The following KAT14 variants were observed in gnomAD, a reference collection of about 807,000 sequenced individuals.
The protein encoded by KAT14 is cysteine-rich protein 2-binding protein.
KAT14 carries 66 observed loss-of-function variants against 78.4 expected under a neutral mutation model. That is an observed-to-expected ratio of 0.84 (90% CI 0.69 to 1.03). KAT14 has a LOEUF of 1.03. Ranked by LOEUF, KAT14 falls within the 50% of genes least tolerant of loss-of-function variation. The pLI is 0.00. For synonymous variants in KAT14, 344 were observed against 359.4 expected (o/e 0.96, Z 0.48); for missense variants, 870 against 972.5 (o/e 0.89, Z 1.40).
intron 1 of KAT14, among the ~76,000 whole-genome samples, chr20:18,140,126 G>A (rs905241652): frequency 3.8e-4 from 58 of 152,122 alleles, no homozygotes; most frequent in African/African-American, 1.4e-3. Flanking sequence ...AGAAGGAAGG[G>A]TAGGATCTGG....
At chr20:18,184,878 C>T (rs1199778285) in intron 10 of KAT14, 86 bp downstream of exon 10, 8 of 1,361,544 alleles carry the variant, frequency 5.9e-6, no homozygotes, top group Admixed American at 2.7e-5. Context: ...GCTAGCCCTT[C>T]CCAGCATGGC....
chr20:18,145,689 G>C (rs770963398), intron 3 of KAT14, among the ~76,000 whole-genome samples: 2 of 151,984 alleles, frequency 1.3e-5, no homozygotes, highest in Non-Finnish European at 2.9e-5. Context: ...ACTGAGGCAG[G>C]AGAATCGCTT....
chr20:18,181,360 G>GTTTTT (rs1245685896), intron 7 of KAT14, among the ~76,000 whole-genome samples: 2 of 114,120 alleles, frequency 1.8e-5, no homozygotes, highest in Non-Finnish European at 1.9e-5. Flanking sequence ...GAGTAATTTT[G>GTTTTT]TTTCTTTTTT....
intron 7 of KAT14, among the ~76,000 whole-genome samples, chr20:18,168,194 C>A (rs975824630): frequency 4.6e-5 from 7 of 152,136 alleles, no homozygotes; most frequent in African/African-American, 1.4e-4. Context: ...TATCATCTTA[C>A]ATACAGTGTC....
intron 2 of KAT14, among the ~76,000 whole-genome samples, chr20:18,144,561 G>A (rs2037746383): frequency 6.6e-6 from 1 of 152,010 alleles, no homozygotes; most frequent in African/African-American, 2.4e-5. Context: ...ATATAGGTTG[G>A]GCCTCCTTTT....
intron 10 of KAT14, among the ~76,000 whole-genome samples, chr20:18,186,768 T>C (rs926701751): frequency 3.3e-5 from 5 of 152,210 alleles, no homozygotes; most frequent in African/African-American, 1.2e-4. Flanking sequence ...AGGTGGACTT[T>C]GGGATTCAGA....
chr20:18,162,875 C>T lies in KAT14; in HGVS notation c.1598C>T (p.Ser533Phe), dbSNP rs2146435774. Residue 533 changes from serine to phenylalanine, a missense_variant, in exon 7 of 11, where the codon TCC (serine) becomes TTC (phenylalanine). Ser to Phe is a radical substitution (Grantham distance 155, BLOSUM62 -2). Transcript: ENST00000688188. ...TATGGAGCCAAAGAAGGAGGAATTT[C>T]CAGACTTCCAGCTGGACAAGCCACG... ...GIYGAKEGGI[S>F]RLPAGQATYR... 6.2e-7 allele frequency: 1 copy of T among 1,614,176 alleles called. No homozygotes were observed. The highest frequency in any genetic ancestry group is 8.5e-7 in the Non-Finnish European group (1 of 1,180,028).
intron 7 of KAT14, among the ~76,000 whole-genome samples, chr20:18,169,028 A>T (rs1186252542): frequency 2.0e-5 from 3 of 150,864 alleles, no homozygotes; most frequent in South Asian, 2.1e-4. Context: ...TCAGTTTTGG[A>T]AGTTTTTACT....
chr20:18,151,211 T>A (rs186984308), intron 4 of KAT14, among the ~76,000 whole-genome samples: 37 of 151,056 alleles, frequency 2.4e-4, no homozygotes, highest in Admixed American at 2.2e-3. Flanking sequence ...TTATTTATTT[T>A]TTGGAGGCAG....
chr20:18,148,567 C>T (rs2037913911), intron 3 of KAT14, among the ~76,000 whole-genome samples: 2 of 151,536 alleles, frequency 1.3e-5, no homozygotes. Context: ...TGAGCTTGGT[C>T]TGGTAACATG....
At chr20:18,144,636 G>A (rs1281354541) in intron 2 of KAT14, among the ~76,000 whole-genome samples, 1 of 152,162 alleles carries the variant, frequency 6.6e-6, no homozygotes, top group Non-Finnish European at 1.5e-5. Flanking sequence ...CAGAGCATCA[G>A]CATCACCTGA....
Position 18,143,993 on chromosome 20 carries a change from A to C in KAT14, c.259+1074A>C, listed in dbSNP as rs6132034. ...TGAGGAGTATGGCTTGCCAGCCATC[A>C]TATGGTTTATACCGAAACAGGATTT... On this transcript the variant is annotated intron_variant, in intron 2 of 10. Coordinates refer to ENST00000688188, the MANE Select transcript of KAT14 (RefSeq NM_001392073.1). Among the ~76,000 whole-genome samples, 270 of 152,168 alleles carry C rather than the reference A, an allele frequency of 1.8e-3. 3 individuals carry two copies. Among genetic ancestry groups the C allele is most frequent in the African/African-American group, 6.0e-3 (251 of 41,528 alleles).
intron 1 of KAT14, among the ~76,000 whole-genome samples, chr20:18,141,370 C>T (rs987845969): frequency 6.6e-5 from 10 of 152,046 alleles, no homozygotes; most frequent in Non-Finnish European, 1.3e-4. Context: ...TAGCATCCTT[C>T]TTTTTCTTCT....
chr20:18,141,051 T>TTTTTTTTTTTTCTG (rs58888387), intron 1 of KAT14, among the ~76,000 whole-genome samples: 1 of 109,704 alleles, frequency 9.1e-6, no homozygotes, highest in Non-Finnish European at 1.8e-5. Flanking sequence ...TTTTTTATTT[T>TTTTTTTTTTTTCTG]TATTTTTGCT....
intron 7 of KAT14, among the ~76,000 whole-genome samples, chr20:18,166,073 G>C (rs2038628432): frequency 6.6e-6 from 1 of 152,220 alleles, no homozygotes; most frequent in African/African-American, 2.4e-5. Flanking sequence ...GTTAGAAATA[G>C]ATAATCGGTG....
At position 18,142,356 on chromosome 20, in the gene KAT14, G is replaced by A. The variant is rs1308297331; in HGVS notation, c.-305G>A. 6.5e-7 allele frequency: 1 copy of A among 1,535,956 alleles called. No homozygotes were observed. Among genetic ancestry groups the A allele is most frequent in the Admixed American group, 2.0e-5 (1 of 50,918 alleles). ...TTGGCAAAAGGATCTCAAAAATCAT[G>A]ACTTGAATGTGAAATATCTGTTGGA... On this transcript the variant is annotated 5_prime_UTR_variant, in exon 2 of 11. An upstream start codon of the reference 5' UTR is lost. Coordinates refer to ENST00000688188, the MANE Select transcript of KAT14 (RefSeq NM_001392073.1).
At chr20:18,185,529 A>G (rs553981326) in intron 10 of KAT14, among the ~76,000 whole-genome samples, 4 of 152,188 alleles carry the variant, frequency 2.6e-5, no homozygotes, top group African/African-American at 9.7e-5. Context: ...GATAGTTTGT[A>G]ATTTTACTAT....
At chr20:18,137,513 T>A (rs1326095369), upstream of KAT14, among the ~76,000 whole-genome samples, 1 of 151,998 alleles carries the variant, frequency 6.6e-6, no homozygotes, top group Non-Finnish European at 1.5e-5. Flanking sequence ...GCGAAGCCGG[T>A]ATTGGGCGAA....
intron 7 of KAT14, among the ~76,000 whole-genome samples, chr20:18,169,377 G>A (rs2038769769): frequency 6.6e-6 from 1 of 152,128 alleles, no homozygotes; most frequent in Admixed American, 6.5e-5. Flanking sequence ...CTAGTAGTGT[G>A]TGCTTACTTT....
Sources: gnomAD v4.1 joint callset for allele counts (sites outside exome capture counted in the v4.1 genomes callset) on GRCh38, gnomAD v4.1.1 for gene constraint, MANE v1.5 for transcripts, NCBI Gene and HGNC (gene_info 2026-07-23, HGNC 2026-07-21) for gene names.